The following AGMO variants were observed in gnomAD, a reference collection of about 807,000 sequenced individuals.
The protein encoded by AGMO is alkylglycerol monooxygenase, also known as glyceryl-ether monooxygenase.
In AGMO, 75 loss-of-function variants were observed where a neutral mutation model predicts 60.2. The observed-to-expected ratio is 1.25, with a 90% CI of 1.03 to 1.51. The LOEUF (loss-of-function observed/expected upper bound fraction) is 1.51, where lower values mean the gene tolerates loss of function less well. AGMO is among the 40% of genes most tolerant of loss of function. AGMO has a pLI of 0.00. For missense variants in AGMO, 763 were observed against 525.5 expected (o/e 1.45, Z -4.42); for synonymous variants, 261 against 177.1 (o/e 1.47, Z -3.76).
At chr7:15,212,985 T>G (rs1435274865) in intron 12 of AGMO, among the ~76,000 whole-genome samples, 1 of 151,988 alleles carries the variant, frequency 6.6e-6, no homozygotes, top group East Asian at 1.9e-4. Context: ...GCATTTACAT[T>G]AGATCAGCAT....
chr7:15,324,139 T>C (rs2049680053), intron 12 of AGMO, among the ~76,000 whole-genome samples: 1 of 152,170 alleles, frequency 6.6e-6, no homozygotes, highest in South Asian at 2.1e-4. Flanking sequence ...TCATCAGTAT[T>C]ACTCCAGCGC....
intron 12 of AGMO, among the ~76,000 whole-genome samples, chr7:15,261,854 A>T (rs192878907): frequency 2.6e-5 from 4 of 152,178 alleles, no homozygotes; most frequent in Admixed American, 2.6e-4. Context: ...GACATCCAGA[A>T]ATCAATAAAT....
At chr7:15,513,259 C>T (rs1052068425) in intron 3 of AGMO, among the ~76,000 whole-genome samples, 8 of 150,526 alleles carry the variant, frequency 5.3e-5, no homozygotes, top group African/African-American at 2.0e-4. Flanking sequence ...GGGGCTTTTA[C>T]TTCAGTTTTT....
At chr7:15,358,896 G>A (rs1204894380) in intron 12 of AGMO, among the ~76,000 whole-genome samples, 1 of 152,118 alleles carries the variant, frequency 6.6e-6, no homozygotes, top group Non-Finnish European at 1.5e-5. Flanking sequence ...TAAAGCAGGG[G>A]TTGGGATGGA....
intron 12 of AGMO, among the ~76,000 whole-genome samples, chr7:15,315,375 G>A (rs1780893336): frequency 9.5e-6 from 1 of 105,438 alleles, no homozygotes; most frequent in Non-Finnish European, 1.7e-5. Flanking sequence ...GTCTCACCCT[G>A]TTGCCAGGCT....
rs1414123986 is a variant in AGMO at position 15,313,839 on chromosome 7, A to T, written c.1263+51675T>A. ...AATAATAACATAGTACAATTATAGC[A>T]ATGTTCTGTAATAAAAGTTATGCAG... On this transcript the variant is annotated intron_variant, in intron 12 of 12. Coordinates refer to ENST00000342526, the MANE Select transcript of AGMO (RefSeq NM_001004320.2). 1.7e-4 allele frequency among the ~76,000 whole-genome samples: 26 copies of T among 152,162 alleles called. No homozygotes were observed. The South Asian group carries it at 2.7e-3, about 16-fold the overall frequency.
At chr7:15,252,221 G>A (rs189592910) in intron 12 of AGMO, among the ~76,000 whole-genome samples, 1 of 152,186 alleles carries the variant, frequency 6.6e-6, no homozygotes, top group Non-Finnish European at 1.5e-5. Context: ...AAAGGAACTA[G>A]AGAAGGATCA....
At chr7:15,267,314 A>G (rs1783462094) in intron 12 of AGMO, among the ~76,000 whole-genome samples, 2 of 152,004 alleles carry the variant, frequency 1.3e-5, no homozygotes, top group Non-Finnish European at 2.9e-5. Flanking sequence ...TGTTCTATAC[A>G]TTAGTCTAAT....
Position 15,390,748 on chromosome 7 carries a change from T to A in AGMO, c.745A>T (p.Thr249Ser), listed in dbSNP as rs775834562. The change falls in exon 8 of 13, where the codon ACA becomes TCA. Residue 249 changes from threonine (T) to serine (S), a missense_variant and splice_region_variant. Transcript: ENST00000342526. Reference protein sequence around the residue: ...VLIIWDKIFGTFEAENEKVVY... With the variant: ...VLIIWDKIFGSFEAENEKVVY... ...ACTTTTTCATTTTCTGCTTCAAATG[T>A]CCCTGGAAGATAAATATAAAGATAT... The A allele has an allele frequency of 1.9e-6, 3 of 1,607,818 alleles. No homozygotes were observed. The highest frequency in any genetic ancestry group is 2.6e-6 in the Non-Finnish European group (3 of 1,175,078).
At chr7:15,131,170 G>C in the AGMO span, among the ~76,000 whole-genome samples, 1 of 152,030 alleles carries the variant, frequency 6.6e-6, no homozygotes, top group African/African-American at 2.4e-5. Context: ...TTTAAACAAT[G>C]ATTTCATCAA....
At chr7:15,367,066 C>G (rs879499733) in intron 10 of AGMO, among the ~76,000 whole-genome samples, 1 of 151,904 alleles carries the variant, frequency 6.6e-6, no homozygotes, top group Non-Finnish European at 1.5e-5. Context: ...TGTATAAAAA[C>G]TAATTCTTTT....
chr7:15,332,572 AC>A (rs1781531500), intron 12 of AGMO, among the ~76,000 whole-genome samples: 1 of 152,072 alleles, frequency 6.6e-6, no homozygotes, highest in Admixed American at 6.6e-5. Flanking sequence ...TGACCTGACA[AC>A]CTGATTTTCC....
chr7:15,219,226 T>TA (rs1354237154), intron 12 of AGMO, among the ~76,000 whole-genome samples: 5 of 152,188 alleles, frequency 3.3e-5, no homozygotes, highest in African/African-American at 9.6e-5. Flanking sequence ...TTAGTGCAGA[T>TA]AATACAGATC....
intron 10 of AGMO, among the ~76,000 whole-genome samples, chr7:15,384,584 CAG>C (rs775112634): frequency 2.0e-5 from 3 of 152,084 alleles, no homozygotes; most frequent in Non-Finnish European, 4.4e-5. Context: ...AACTATTATT[CAG>C]AGTTACCATG....
At chr7:15,211,774 C>T (rs892576951) in intron 12 of AGMO, among the ~76,000 whole-genome samples, 3 of 151,874 alleles carry the variant, frequency 2.0e-5, no homozygotes, top group African/African-American at 7.3e-5. Context: ...TTATACAGAT[C>T]TTTTTCAGGG....
At chr7:15,516,137 A>G (rs1401048213) in intron 3 of AGMO, among the ~76,000 whole-genome samples, 2 of 152,220 alleles carry the variant, frequency 1.3e-5, no homozygotes, top group Admixed American at 1.3e-4. Context: ...ATAAATATAT[A>G]CAAATTTTAA....
At chr7:15,140,733 T>C in the AGMO span, among the ~76,000 whole-genome samples, 1 of 152,186 alleles carries the variant, frequency 6.6e-6, no homozygotes, top group Admixed American at 6.5e-5. Flanking sequence ...TTTATTTTGG[T>C]TCTTTCAAAT....
intron 12 of AGMO, among the ~76,000 whole-genome samples, chr7:15,220,503 C>G (rs1781886483): frequency 6.6e-6 from 1 of 151,706 alleles, no homozygotes; most frequent in African/African-American, 2.4e-5. Flanking sequence ...CAGGGGTGAG[C>G]CATCATGCCC....
intron 2 of AGMO, among the ~76,000 whole-genome samples, chr7:15,552,938 TA>T (rs1244199798): frequency 6.6e-6 from 1 of 151,622 alleles, no homozygotes; most frequent in Non-Finnish European, 1.5e-5. Flanking sequence ...CCAACAATGA[TA>T]GACTGGATTA....
Sources: gnomAD v4.1 joint callset for allele counts (sites outside exome capture counted in the v4.1 genomes callset) on GRCh38, gnomAD v4.1.1 for gene constraint, MANE v1.5 for transcripts, NCBI Gene and HGNC (gene_info 2026-07-23, HGNC 2026-07-21) for gene names.